CDK14: variants seen among roughly 807,000 people sequenced by gnomAD.
The protein encoded by CDK14 is cyclin-dependent kinase 14.
A neutral mutation model predicts 60.7 loss-of-function variants in CDK14; 34 were observed. The observed-to-expected ratio is 0.56, with a 90% CI of 0.43 to 0.75. The LOEUF (loss-of-function observed/expected upper bound fraction) is 0.75. Among genes scored for constraint, CDK14 ranks in the 30% least tolerant of loss-of-function variants. The pLI is 0.00. For missense variants in CDK14, 482 were observed against 564.1 expected, an observed-to-expected ratio of 0.85 and a Z score of 1.47; for synonymous variants, 197 against 203.7, an observed-to-expected ratio of 0.97 and a Z score of 0.28.
intron 10 of CDK14, among the ~76,000 whole-genome samples, chr7:91,041,805 A>G (rs1161488035): frequency 6.6e-6 from 1 of 152,150 alleles, no homozygotes; most frequent in African/African-American, 2.4e-5. Context: ...CTTCCTTCCC[A>G]TCCTGTAGCC....
At chr7:91,105,666 A>G (rs1453205127) in intron 12 of CDK14, among the ~76,000 whole-genome samples, 2 of 152,196 alleles carry the variant, frequency 1.3e-5, no homozygotes, top group Non-Finnish European at 2.9e-5. Context: ...CAATCCAAAA[A>G]TTATAAAGCA....
chr7:90,821,974 G>A (rs1312332636), intron 5 of CDK14, among the ~76,000 whole-genome samples: 2 of 152,184 alleles, frequency 1.3e-5, no homozygotes, highest in African/African-American at 4.8e-5. Flanking sequence ...CTTCTGGAAT[G>A]TCCCCTCTTC....
At chr7:90,708,084 C>A (rs1801939633) in intron 2 of CDK14, among the ~76,000 whole-genome samples, 1 of 152,160 alleles carries the variant, frequency 6.6e-6, no homozygotes, top group African/African-American at 2.4e-5. Context: ...TAAGAAGAAC[C>A]TTTAGCCCTA....
chr7:91,070,888 T>C (rs575923655), intron 11 of CDK14, among the ~76,000 whole-genome samples: 1 of 152,166 alleles, frequency 6.6e-6, no homozygotes, highest in African/African-American at 2.4e-5. Flanking sequence ...CCACTCTAAT[T>C]AAAACACTAT....
At chr7:91,002,900 ATC>A (rs1286600838) in intron 10 of CDK14, among the ~76,000 whole-genome samples, 1 of 152,024 alleles carries the variant, frequency 6.6e-6, no homozygotes, top group African/African-American at 2.4e-5. Context: ...GTGAAACCCT[ATC>A]TCTACTAAAA....
intron 10 of CDK14, among the ~76,000 whole-genome samples, chr7:90,999,722 G>A (rs1397426839): frequency 6.6e-6 from 1 of 152,168 alleles, no homozygotes; most frequent in Non-Finnish European, 1.5e-5. Context: ...GCTTATTTGA[G>A]CAGAGCTGTG....
intron 2 of CDK14, among the ~76,000 whole-genome samples, chr7:90,675,700 A>G (rs891690814): frequency 6.6e-6 from 1 of 152,198 alleles, no homozygotes; most frequent in African/African-American, 2.4e-5. Flanking sequence ...CTGCTTTCTA[A>G]ATCAGTTAAG....
chr7:90,881,684 G>A (rs1791758637), intron 6 of CDK14, among the ~76,000 whole-genome samples: 1 of 152,090 alleles, frequency 6.6e-6, no homozygotes, highest in Non-Finnish European at 1.5e-5. Context: ...GGGCAGCCAG[G>A]GAGAAAGGCC....
chr7:90,671,513 A>AGTGCTG, intron 2 of CDK14, among the ~76,000 whole-genome samples: 1 of 152,134 alleles, frequency 6.6e-6, no homozygotes, highest in Admixed American at 6.5e-5. Context: ...GGCACTCAAA[A>AGTGCTG]TCTTTATATA....
chr7:91,124,148 A>G (rs1238141163), intron 14 of CDK14, among the ~76,000 whole-genome samples: 1 of 152,072 alleles, frequency 6.6e-6, no homozygotes, highest in Non-Finnish European at 1.5e-5. Context: ...TTCGCCTCAC[A>G]AAGTGTTGGG....
chr7:91,182,314 A>G (rs1192193997), intron 14 of CDK14, among the ~76,000 whole-genome samples: 2 of 152,122 alleles, frequency 1.3e-5, no homozygotes, highest in African/African-American at 2.4e-5. Context: ...TCAAATTGCT[A>G]TGTTTTCAAA....
At chr7:91,102,770 A>G (rs1423667662) in intron 12 of CDK14, among the ~76,000 whole-genome samples, 1 of 151,988 alleles carries the variant, frequency 6.6e-6, no homozygotes, top group Non-Finnish European at 1.5e-5. Context: ...GGGGATGTAT[A>G]GTTTGAAGAG....
chr7:90,978,970 A>G (rs994135482), intron 9 of CDK14, among the ~76,000 whole-genome samples: 13 of 152,034 alleles, frequency 8.6e-5, no homozygotes, highest in African/African-American at 3.1e-4. Flanking sequence ...TTTTTTTGCA[A>G]GTGGAGCATA....
At chr7:90,678,686 C>T (rs2116554025) in intron 2 of CDK14, among the ~76,000 whole-genome samples, 1 of 152,092 alleles carries the variant, frequency 6.6e-6, no homozygotes, top group South Asian at 2.1e-4. Context: ...AAGGATTGCA[C>T]AAGAGCAGAG....
chr7:90,772,576 T>A (rs12537518), intron 4 of CDK14, among the ~76,000 whole-genome samples: 27,843 of 152,058 alleles, frequency 0.18, 2,669 homozygotes, highest in South Asian at 0.24. Flanking sequence ...TGAGTAGCAC[T>A]TCCCCCTTTG....
intron 9 of CDK14, among the ~76,000 whole-genome samples, chr7:90,969,196 T>C (rs920852457): frequency 3.9e-5 from 6 of 152,204 alleles, no homozygotes; most frequent in Admixed American, 6.5e-5. Context: ...TATTAGGTTG[T>C]TGTCAAATAT....
chr7:90,885,605 C>G (rs1791917350), intron 6 of CDK14, among the ~76,000 whole-genome samples: 1 of 152,128 alleles, frequency 6.6e-6, no homozygotes, highest in East Asian at 1.9e-4. Flanking sequence ...ACTATGAAGA[C>G]ACATGTACAC....
At chr7:91,081,041 G>C (rs1313279274) in intron 12 of CDK14, among the ~76,000 whole-genome samples, 1 of 152,120 alleles carries the variant, frequency 6.6e-6, no homozygotes, top group East Asian at 1.9e-4. Context: ...GTCCTTGTAA[G>C]TTTTGCCTTA....
chr7:91,198,827 T>C (rs1802630269), intron 14 of CDK14, among the ~76,000 whole-genome samples: 1 of 152,310 alleles, frequency 6.6e-6, no homozygotes, highest in South Asian at 2.1e-4. Flanking sequence ...TGGATAATAA[T>C]ACCAGACAAG....
Sources: allele counts gnomAD v4.1 joint callset (sites outside exome capture counted in the v4.1 genomes callset), GRCh38; gene constraint gnomAD v4.1.1; transcripts MANE v1.5; gene names NCBI Gene and HGNC (gene_info 2026-07-23, HGNC 2026-07-21).